The following LOC128092252 variants were observed in gnomAD, a reference collection of about 807,000 sequenced individuals.
chr15:50,655,014 A>AG, the LOC128092252 span, among the ~76,000 whole-genome samples: 1 of 149,468 alleles, frequency 6.7e-6, no homozygotes. Flanking sequence ...AAAAAAAAAA[A>AG]AAAGAAAAGA....
At chr15:50,650,338 A>G in the LOC128092252 span, among the ~76,000 whole-genome samples, 1 of 152,126 alleles carries the variant, frequency 6.6e-6, no homozygotes, top group Non-Finnish European at 1.5e-5. Context: ...TAGAGATCTC[A>G]TAACACACAA....
the LOC128092252 span, chr15:50,662,921 CA>C: frequency 7.5e-7 from 1 of 1,334,270 alleles, no homozygotes; most frequent in Non-Finnish European, 1.1e-6. Flanking sequence ...ATATAATTTA[CA>C]CTAAAATTTC....
chr15:50,665,391 T>C, the LOC128092252 span, among the ~76,000 whole-genome samples: 4 of 128,624 alleles, frequency 3.1e-5, no homozygotes, highest in East Asian at 2.5e-4. Context: ...TAAAACTCTG[T>C]CTAAAAAAAA....
At chr15:50,670,878 A>C in the LOC128092252 span, among the ~76,000 whole-genome samples, 1 of 152,086 alleles carries the variant, frequency 6.6e-6, no homozygotes, top group African/African-American at 2.4e-5. Context: ...AAACGTGTCA[A>C]AACATATTAA....
At chr15:50,663,322 G>A in the LOC128092252 span, among the ~76,000 whole-genome samples, 3 of 152,228 alleles carry the variant, frequency 2.0e-5, no homozygotes, top group East Asian at 3.9e-4. Flanking sequence ...TAGAGATGGC[G>A]TTTCTCCATG....
chr15:50,682,553 G>A, the LOC128092252 span, among the ~76,000 whole-genome samples: 1 of 150,480 alleles, frequency 6.6e-6, no homozygotes, highest in Non-Finnish European at 1.5e-5. Context: ...TCCAGCCTGG[G>A]CGACAAGAGG....
At chr15:50,660,978 CTTT>C in the LOC128092252 span, among the ~76,000 whole-genome samples, 1 of 142,670 alleles carries the variant, frequency 7.0e-6, no homozygotes. Flanking sequence ...ACTACCATTC[CTTT>C]TTTTTTTTTT....
the LOC128092252 span, among the ~76,000 whole-genome samples, chr15:50,684,080 G>A: frequency 6.6e-6 from 1 of 151,772 alleles, no homozygotes; most frequent in African/African-American, 2.4e-5. Context: ...TTGAACTCCT[G>A]ACCTCAAGTG....
chr15:50,680,607 A>AATTATCTGT, the LOC128092252 span, among the ~76,000 whole-genome samples: 1 of 152,098 alleles, frequency 6.6e-6, no homozygotes, highest in Admixed American at 6.6e-5. Context: ...CTGAGTTGTA[A>AATTATCTGT]ATTATCTGTC....
chr15:50,686,481 G>C, the LOC128092252 span: 1 of 1,613,804 alleles, frequency 6.2e-7, no homozygotes, highest in Non-Finnish European at 8.5e-7. Flanking sequence ...CTCCTTTACC[G>C]CCCGCAACCC....
chr15:50,663,942 G>C, the LOC128092252 span, among the ~76,000 whole-genome samples: 1 of 150,534 alleles, frequency 6.6e-6, no homozygotes, highest in Non-Finnish European at 1.5e-5. Flanking sequence ...CAGCCTGAGT[G>C]AAAGAGTGAG....
the LOC128092252 span, among the ~76,000 whole-genome samples, chr15:50,656,305 GTT>G: frequency 6.7e-6 from 1 of 149,852 alleles, no homozygotes; most frequent in African/African-American, 2.5e-5. Flanking sequence ...CTTTTTGTTT[GTT>G]TTTTTTTCTG....
the LOC128092252 span, among the ~76,000 whole-genome samples, chr15:50,684,154 T>C: frequency 6.7e-6 from 1 of 149,522 alleles, no homozygotes. Context: ...CCTGATTAAG[T>C]CGTTTTTTTT....
the LOC128092252 span, among the ~76,000 whole-genome samples, chr15:50,651,221 T>A: frequency 1.3e-5 from 2 of 150,372 alleles, no homozygotes; most frequent in Admixed American, 6.9e-5. Flanking sequence ...CAAAGAATAC[T>A]GAGGCATGCA....
the LOC128092252 span, chr15:50,657,786 G>A: frequency 8.7e-6 from 14 of 1,610,670 alleles, no homozygotes; most frequent in South Asian, 6.6e-5. Flanking sequence ...CTTACCTGAC[G>A]AGTTGCTGAC....
the LOC128092252 span, among the ~76,000 whole-genome samples, chr15:50,675,804 T>G: frequency 6.6e-6 from 1 of 152,206 alleles, no homozygotes; most frequent in Non-Finnish European, 1.5e-5. Flanking sequence ...AGTAACTATA[T>G]CCACAGAATG....
At chr15:50,680,105 G>A in the LOC128092252 span, among the ~76,000 whole-genome samples, 4 of 152,040 alleles carry the variant, frequency 2.6e-5, no homozygotes, top group African/African-American at 9.6e-5. Flanking sequence ...ATGGTGGCGG[G>A]TGCCTGTAAT....
chr15:50,652,004 A>G, the LOC128092252 span, among the ~76,000 whole-genome samples: 4 of 152,058 alleles, frequency 2.6e-5, no homozygotes, highest in Non-Finnish European at 5.9e-5. Context: ...ACAGCAAATT[A>G]AACTCAAAGT....
At chr15:50,680,731 C>T in the LOC128092252 span, among the ~76,000 whole-genome samples, 5 of 151,916 alleles carry the variant, frequency 3.3e-5, no homozygotes, top group African/African-American at 1.2e-4. Context: ...TTAAAAAAAA[C>T]CTTAACTTTT....
Sources: gnomAD v4.1 joint callset for allele counts (sites outside exome capture counted in the v4.1 genomes callset) on GRCh38, gnomAD v4.1.1 for gene constraint, MANE v1.5 for transcripts.